NEGR1: variants seen among roughly 807,000 people sequenced by gnomAD.
NEGR1 encodes the protein IgLON family member 4.
A neutral mutation model predicts 40.9 loss-of-function variants in NEGR1; 10 were observed. The ratio of observed to expected loss-of-function variants is 0.24; its 90% CI spans 0.15 to 0.42. NEGR1 has a LOEUF of 0.42. NEGR1 is among the 10% of genes least tolerant of loss of function. NEGR1 has a pLI of 1.00. For missense variants in NEGR1, 352 were observed against 438.9 expected (o/e 0.80, Z 1.77); for synonymous variants, 185 against 166.8 (o/e 1.11, Z -0.84).
chr1:72,032,884 C>A (rs2100442161), intron 1 of NEGR1, among the ~76,000 whole-genome samples: 1 of 152,088 alleles, frequency 6.6e-6, no homozygotes, highest in African/African-American at 2.4e-5. Flanking sequence ...AATGATAGAG[C>A]CTATCTTATA....
chr1:71,895,754 G>A (rs192504361), intron 2 of NEGR1, among the ~76,000 whole-genome samples: 20 of 152,230 alleles, frequency 1.3e-4, no homozygotes, highest in East Asian at 9.7e-4. Flanking sequence ...GCTGCTAAGA[G>A]CATTCATATA....
chr1:71,737,833 A>G (rs951777425), intron 3 of NEGR1, among the ~76,000 whole-genome samples: 11 of 152,324 alleles, frequency 7.2e-5, no homozygotes, highest in Admixed American at 6.5e-4. Flanking sequence ...ATTTCTCCAC[A>G]GGTAATGCCC....
intron 6 of NEGR1, among the ~76,000 whole-genome samples, chr1:71,591,743 T>C (rs1473146012): frequency 2.0e-5 from 3 of 152,146 alleles, no homozygotes; most frequent in Admixed American, 2.0e-4. Flanking sequence ...ATAAAAGATG[T>C]AATATAAACT....
chr1:71,530,612 A>G lies in NEGR1; in HGVS notation c.940+62205T>C, dbSNP rs140785752. Among the ~76,000 whole-genome samples the G allele has an allele frequency of 5.3e-5, 8 of 151,446 alleles. No individual in the cohort carries two copies. In the East Asian group the frequency reaches 1.4e-3, roughly 26 times the overall value. On this transcript the variant is annotated intron_variant, in intron 6 of 6. Coordinates refer to ENST00000357731, the MANE Select transcript of NEGR1 (RefSeq NM_173808.3). ...CAACACGTATTTATTAAATTTCCCT[A>G]CAATAATCATTTCTAAAAGTTTATA...
rs556572623 is a variant in NEGR1, at chr1:71,863,105, C to T, written c.409+71974G>A. Among the ~76,000 whole-genome samples, 3 of 152,210 alleles carry T rather than the reference C, an allele frequency of 2.0e-5. No homozygotes were observed. The South Asian group carries it at 6.2e-4, about 32-fold the overall frequency. Reference sequence around the variant, plus strand: ...CAGCCATCTCATGACTGCATATATACCCAAAGGAATATGAACCATTCTGTT... The same window carrying T: ...CAGCCATCTCATGACTGCATATATATCCAAAGGAATATGAACCATTCTGTT... On this transcript the variant is annotated intron_variant, in intron 2 of 6. Coordinates refer to ENST00000357731, the MANE Select transcript of NEGR1 (RefSeq NM_173808.3).
In NEGR1 at chr1:71,776,307, C is replaced by T; in HGVS notation, c.410-10G>A. On this transcript the variant is annotated splice_polypyrimidine_tract_variant and intron_variant, in intron 2 of 6. Coordinates refer to ENST00000357731, the MANE Select transcript of NEGR1 (RefSeq NM_173808.3). ...TATATCTTAGGAGGAACTGAAATGA[C>T]AAAATACGCAGTGATTAGAAAAAAA... 1 of 1,529,376 alleles carries T rather than the reference C, an allele frequency of 6.5e-7. No individual in the cohort carries two copies. 94.7% of individuals were successfully genotyped at this position (1,529,376 alleles called of 1,614,324 possible).
chr1:71,880,182 G>A (rs560267985), intron 2 of NEGR1, among the ~76,000 whole-genome samples: 1 of 152,104 alleles, frequency 6.6e-6, no homozygotes, highest in South Asian at 2.1e-4. Flanking sequence ...ATGGTGGAAA[G>A]TTTTGAGGAT....
chr1:72,180,507 C>T (rs1189240927), intron 1 of NEGR1, among the ~76,000 whole-genome samples: 1 of 151,194 alleles, frequency 6.6e-6, no homozygotes, highest in African/African-American at 2.4e-5. Flanking sequence ...GTAAAGGAAA[C>T]AATCAACAAA....
intron 1 of NEGR1, among the ~76,000 whole-genome samples, chr1:72,131,312 A>C (rs1327577687): frequency 6.6e-6 from 1 of 152,194 alleles, no homozygotes. Flanking sequence ...AGTCAAGAAA[A>C]AATGATTTTC....
chr1:72,053,916 A>G (rs1202209838), intron 1 of NEGR1, among the ~76,000 whole-genome samples: 1 of 150,962 alleles, frequency 6.6e-6, no homozygotes. Flanking sequence ...AACCTCAACT[A>G]GATGTTTGTT....
intron 6 of NEGR1, among the ~76,000 whole-genome samples, chr1:71,523,590 C>A (rs1647179438): frequency 6.6e-6 from 1 of 151,814 alleles, no homozygotes; most frequent in African/African-American, 2.4e-5. Context: ...GCAAAGTCGG[C>A]TACTGATGCT....
chr1:71,675,500 A>T (rs1431104519), intron 4 of NEGR1, among the ~76,000 whole-genome samples: 2 of 150,208 alleles, frequency 1.3e-5, no homozygotes, highest in African/African-American at 2.4e-5. Flanking sequence ...TCCCTCTCTC[A>T]CTCTCTCTCT....
intron 6 of NEGR1, among the ~76,000 whole-genome samples, chr1:71,558,191 C>T (rs1648314853): frequency 1.3e-5 from 2 of 151,494 alleles, no homozygotes. Context: ...CCATACTCTA[C>T]TCAGTATCAG....
intron 6 of NEGR1, chr1:71,463,583 C>A (rs944976978): frequency 6.6e-6 from 1 of 152,152 alleles, no homozygotes; most frequent in East Asian, 1.9e-4. Flanking sequence ...GCAAGAAATG[C>A]AAACCTGAAA....
chr1:71,801,190 C>T (rs1289226438), intron 2 of NEGR1, among the ~76,000 whole-genome samples: 1 of 152,192 alleles, frequency 6.6e-6, no homozygotes, highest in Non-Finnish European at 1.5e-5. Context: ...TTTCTACTAA[C>T]CTTTACTGGC....
At chr1:72,263,755 C>T (rs1350771830) in intron 1 of NEGR1, among the ~76,000 whole-genome samples, 1 of 149,864 alleles carries the variant, frequency 6.7e-6, no homozygotes, top group Non-Finnish European at 1.5e-5. Context: ...CACAAAAAAA[C>T]TCTCTCTTAC....
intron 2 of NEGR1, among the ~76,000 whole-genome samples, chr1:71,822,991 C>A (rs138874877): frequency 1.3e-4 from 20 of 152,130 alleles, no homozygotes; most frequent in African/African-American, 4.1e-4. Flanking sequence ...AAATCTAGAA[C>A]ATGCATTCAA....
At position 72,263,296 on chromosome 1, in the gene NEGR1, C is replaced by T. The variant is rs114541072; in HGVS notation, c.176+19023G>A. Among the ~76,000 whole-genome samples the T allele has an allele frequency of 9.4e-3, 1,425 of 151,644 alleles. 31 individuals carry two copies. The highest frequency in any genetic ancestry group is 0.033 in the African/African-American group (1,360 of 41,424). On this transcript the variant is annotated intron_variant, in intron 1 of 6. Transcript: ENST00000357731. ...AAAAGGCAATTAACAAGTTTATAGT[C>T]ATATTAAAGAGAAGTTTACTTACAT...
intron 6 of NEGR1, among the ~76,000 whole-genome samples, chr1:71,576,171 C>CAG (rs1648960664): frequency 6.6e-6 from 1 of 152,170 alleles, no homozygotes; most frequent in Admixed American, 6.5e-5. Context: ...ATCTAAGGAA[C>CAG]ATACTATACT....
Sources: gnomAD v4.1 joint callset for allele counts (sites outside exome capture counted in the v4.1 genomes callset) on GRCh38, gnomAD v4.1.1 for gene constraint, MANE v1.5 for transcripts, NCBI Gene and HGNC (gene_info 2026-07-23, HGNC 2026-07-21) for gene names.